The following SRC variants were observed in gnomAD, a reference collection of about 807,000 sequenced individuals.
SRC encodes the protein SRC proto-oncogene, non-receptor tyrosine kinase, also known as proto-oncogene tyrosine-protein kinase Src.
Under a neutral mutation model 62.9 loss-of-function variants are expected in SRC, and 13 were observed. The observed-to-expected ratio is 0.21, with a 90% CI of 0.13 to 0.33. The LOEUF is 0.33. Ranked by LOEUF, SRC falls within the 10% of genes least tolerant of loss-of-function variation. SRC has a pLI of 1.00. For missense variants in SRC, 457 were observed against 737.3 expected, an observed-to-expected ratio of 0.62 and a Z score of 4.40; for synonymous variants, 302 against 317.5, an observed-to-expected ratio of 0.95 and a Z score of 0.52.
chr20:37,364,533 T>C (rs1272451882), intron 1 of SRC, among the ~76,000 whole-genome samples: 1 of 152,036 alleles, frequency 6.6e-6, no homozygotes, highest in Non-Finnish European at 1.5e-5. Flanking sequence ...CTTTCTCTTC[T>C]CCAGGTCTAG....
At chr20:37,394,616 C>T (rs554299539) in intron 7 of SRC, among the ~76,000 whole-genome samples, 3 of 152,248 alleles carry the variant, frequency 2.0e-5, no homozygotes, top group African/African-American at 7.2e-5. Context: ...TCCTCTTCCC[C>T]AGGGGTCCCT....
intron 2 of SRC, among the ~76,000 whole-genome samples, chr20:37,373,089 T>A (rs1410023232): frequency 6.7e-6 from 1 of 148,892 alleles, no homozygotes; most frequent in Non-Finnish European, 1.5e-5. Flanking sequence ...TATACATATA[T>A]AAATACATAT....
Position 37,405,903 on chromosome 20 carries a change from C to G in SRC, c.*2524C>G, listed in dbSNP as rs1021613944. ...TCCCCTCCTCCCTCCTTCCCCACCA[C>G]CGAAGCACACAGTCTTGAAGGTTGA... On this transcript the variant is annotated 3_prime_UTR_variant, in exon 14 of 14. Coordinates refer to ENST00000373578, the MANE Select transcript of SRC (RefSeq NM_198291.3). The G allele has an allele frequency of 1.3e-5, 2 of 152,358 alleles. No homozygotes were observed. Among genetic ancestry groups the G allele is most frequent in the Non-Finnish European group, 2.9e-5 (2 of 68,068 alleles). 9.4% of individuals were successfully genotyped at this position (152,358 alleles called of 1,614,324 possible).
At chr20:37,391,359 T>C (rs796644487) in intron 5 of SRC, among the ~76,000 whole-genome samples, 7 of 152,308 alleles carry the variant, frequency 4.6e-5, no homozygotes, top group African/African-American at 1.7e-4. Flanking sequence ...GGGGCCCTGC[T>C]TCTCACTCTT....
chr20:37,367,096 T>C (rs1190012904), intron 2 of SRC, among the ~76,000 whole-genome samples: 1 of 103,772 alleles, frequency 9.6e-6, no homozygotes, highest in Non-Finnish European at 1.7e-5. Flanking sequence ...GTGGTTTTGA[T>C]TTTTTTTTTT....
Position 37,384,103 on chromosome 20 carries a change from GC to G in SRC, c.-4-43del. ...GGGTGGGAGGGAGGCCGGCCAAGGG[GC>G]CCCGGCAGCCCTGCCTGTTCCAGTG... On this transcript the variant is annotated intron_variant, in intron 3 of 13. Coordinates refer to ENST00000373578, the MANE Select transcript of SRC (RefSeq NM_198291.3). The surrounding 1 kb of genome is among the most constrained non-coding windows in gnomAD (Gnocchi z 6.7). 2 of 1,586,028 alleles carry G rather than the reference GC, an allele frequency of 1.3e-6. No individual in the cohort carries two copies. The highest frequency in any genetic ancestry group is 2.4e-5 in the East Asian group (1 of 42,546).
At chr20:37,381,345 T>C (rs540858988) in intron 2 of SRC, among the ~76,000 whole-genome samples, 1 of 152,308 alleles carries the variant, frequency 6.6e-6, no homozygotes, top group African/African-American at 2.4e-5. Flanking sequence ...TCCTTGATAC[T>C]GGAAGGGCCC....
intron 2 of SRC, among the ~76,000 whole-genome samples, chr20:37,373,164 A>ACGCACG (rs2070202521): frequency 6.6e-6 from 1 of 151,600 alleles, no homozygotes; most frequent in African/African-American, 2.4e-5. Context: ...ACATACACAC[A>ACGCACG]TATATGTACA....
chr20:37,373,498 A>G (rs1352191669), intron 2 of SRC, among the ~76,000 whole-genome samples: 1 of 149,522 alleles, frequency 6.7e-6, no homozygotes, highest in Non-Finnish European at 1.5e-5. Context: ...TTTTGTGGAT[A>G]TGAGGTTTCA....
In SRC at chr20:37,403,896, C is replaced by A; in HGVS notation, c.*517C>A. 1 of 244,372 alleles carries A rather than the reference C, an allele frequency of 4.1e-6. No homozygotes were observed. Among genetic ancestry groups the A allele is most frequent in the Non-Finnish European group, 8.1e-6 (1 of 123,282 alleles). 15.1% of individuals were successfully genotyped at this position (244,372 alleles called of 1,614,324 possible). On this transcript the variant is annotated 3_prime_UTR_variant, in exon 14 of 14. Transcript: ENST00000373578. The surrounding 1 kb of genome is among the most constrained non-coding windows in gnomAD (Gnocchi z 7.1). ...TGTAGGCAGAGGCTGCCGAGACAGA[C>A]CCTCTGCCGCTGCTTCCAGGCTGGG...
rs940973756 is a variant in SRC, at chr20:37,398,213, G to C, written c.859+359G>C. On this transcript the variant is annotated intron_variant, in intron 9 of 13. Transcript: ENST00000373578. This position sits in a 1 kb window ranked among gnomAD's most constrained non-coding sequence, Gnocchi z 5.2. ...GACTGTGGAGACCCTGACCCAGTGC[G>C]TGTCCACACACTAGCTGTTCGCCAT... Among the ~76,000 whole-genome samples the C allele has an allele frequency of 1.3e-5, 2 of 152,192 alleles. No homozygotes were observed. Among genetic ancestry groups the C allele is most frequent in the Admixed American group, 1.3e-4 (2 of 15,284 alleles).
At chr20:37,378,761 C>T (rs889156341) in intron 2 of SRC, among the ~76,000 whole-genome samples, 5 of 152,028 alleles carry the variant, frequency 3.3e-5, no homozygotes, top group African/African-American at 7.3e-5. Context: ...CCTCTGGCTG[C>T]GGGGGGAGGG....
chr20:37,392,019 T>C (rs1238306842), intron 5 of SRC, among the ~76,000 whole-genome samples: 1 of 152,088 alleles, frequency 6.6e-6, no homozygotes, highest in South Asian at 2.1e-4. Flanking sequence ...GAGACAAGTG[T>C]GGACACCCCG....
chr20:37,352,803 G>A (rs1028805261), intron 1 of SRC, among the ~76,000 whole-genome samples: 1 of 152,122 alleles, frequency 6.6e-6, no homozygotes, highest in African/African-American at 2.4e-5. Context: ...CTGCCTGACC[G>A]GGGTTATCGG....
In SRC at chr20:37,399,201, T is replaced by A. The variant is rs376012269; in HGVS notation, c.860-914T>A. ...ATCCCCATTTTCCAGATGAGATAAC[T>A]GAGGCTTAGAGAGGGGAACTGACTC... On this transcript the variant is annotated intron_variant, in intron 9 of 13. Transcript: ENST00000373578. Among the ~76,000 whole-genome samples the A allele has an allele frequency of 8.5e-5, 13 of 152,272 alleles. No homozygotes were observed. In the East Asian group the frequency reaches 2.5e-3, roughly 29 times the overall value.
At chr20:37,372,294 CT>C (rs1250657178) in intron 2 of SRC, among the ~76,000 whole-genome samples, 1 of 152,138 alleles carries the variant, frequency 6.6e-6, no homozygotes, top group Non-Finnish European at 1.5e-5. Flanking sequence ...AGACGGTTTC[CT>C]TTTTTTAAAA....
Position 37,383,222 on chromosome 20 carries a change from C to G in SRC, c.-5+436C>G, listed in dbSNP as rs995972176. 1.5e-4 allele frequency among the ~76,000 whole-genome samples: 23 copies of G among 152,162 alleles called. 1 individual carries two copies. The highest frequency in any genetic ancestry group is 1.5e-5 in the Non-Finnish European group (1 of 68,034). Reference sequence around the variant, plus strand: ...AGTGAAAGGATTTGGGGAACACTTCCCAAGGAGGGGACTTTTGAGTTGAGA... The same window carrying G: ...AGTGAAAGGATTTGGGGAACACTTCGCAAGGAGGGGACTTTTGAGTTGAGA... On this transcript the variant is annotated intron_variant, in intron 3 of 13. Coordinates refer to ENST00000373578, the MANE Select transcript of SRC (RefSeq NM_198291.3).
intron 2 of SRC, among the ~76,000 whole-genome samples, chr20:37,376,966 C>T (rs1206933587): frequency 6.6e-6 from 1 of 152,228 alleles, no homozygotes; most frequent in Non-Finnish European, 1.5e-5. Flanking sequence ...ACACTGCTCT[C>T]CTGAACCGTG....
chr20:37,395,951 G>A lies in SRC; in HGVS notation c.554-211G>A, dbSNP rs28763882. Among the ~76,000 whole-genome samples, 190 of 152,326 alleles carry A rather than the reference G, an allele frequency of 1.2e-3. 1 individual carries two copies. The highest frequency in any genetic ancestry group is 1.7e-3 in the Non-Finnish European group (113 of 68,030). On this transcript the variant is annotated intron_variant, in intron 7 of 13. Transcript: ENST00000373578. Reference sequence around the variant, plus strand: ...GAGGTCTTGCTGGGGCCAAGGGTGCGTGGCAGGACGTACTAATCAAGTGTC... The same window carrying A: ...GAGGTCTTGCTGGGGCCAAGGGTGCATGGCAGGACGTACTAATCAAGTGTC...
Sources: gnomAD v4.1 joint callset for allele counts (sites outside exome capture counted in the v4.1 genomes callset) on GRCh38, gnomAD v4.1.1 for gene constraint, Gnocchi (gnomAD v3.1) non-coding constraint, MANE v1.5 for transcripts, NCBI Gene and HGNC (gene_info 2026-07-23, HGNC 2026-07-21) for gene names.